Variants in GALNT13 observed in about 807,000 individuals in gnomAD.
The protein encoded by GALNT13 is polypeptide N-acetylgalactosaminyltransferase 13.
Under a neutral mutation model 64.2 loss-of-function variants are expected in GALNT13, and 28 were observed. The observed-to-expected ratio is 0.44, with a 90% confidence interval of 0.32 to 0.60. The LOEUF is 0.60. Among genes scored for constraint, GALNT13 ranks in the 20% least tolerant of loss-of-function variants. The probability of loss-of-function intolerance (pLI) is 0.05; values close to 1 mark genes in which losing one functional copy is unlikely to be tolerated. For synonymous variants in GALNT13, 214 were observed against 224.6 expected (o/e 0.95, Z 0.42); for missense variants, 577 against 669.8 (o/e 0.86, Z 1.53).
rs113534937 is a variant in GALNT13, at chr2:154,407,145, A to G, written c.1297-1839A>G. On this transcript the variant is annotated intron_variant, in intron 10 of 12. Transcript: ENST00000392825. ...AAGCCTTACAAACAATTCAAGCTGT[A>G]ACCCCTGTAATTATTAATTAGTGCC... Among the ~76,000 whole-genome samples the G allele has an allele frequency of 3.5e-3, 530 of 152,240 alleles. 2 individuals are homozygous for G. Among genetic ancestry groups the G allele is most frequent in the African/African-American group, 0.012 (510 of 41,564 alleles).
intron 3 of GALNT13, among the ~76,000 whole-genome samples, chr2:153,986,447 G>T (rs773570775): frequency 2.0e-5 from 3 of 151,860 alleles, no homozygotes; most frequent in Non-Finnish European, 2.9e-5. Flanking sequence ...ATACACATCC[G>T]CAATATTGAT....
intron 9 of GALNT13, among the ~76,000 whole-genome samples, chr2:154,315,656 A>T (rs1694280937): frequency 1.3e-5 from 2 of 152,208 alleles, no homozygotes; most frequent in South Asian, 4.1e-4. Flanking sequence ...TTGCCTAAAA[A>T]TGTTTATGTT....
the GALNT13 span, among the ~76,000 whole-genome samples, chr2:153,091,661 A>G: frequency 6.6e-6 from 1 of 152,148 alleles, no homozygotes; most frequent in Non-Finnish European, 1.5e-5. Flanking sequence ...ATCCTCCCAA[A>G]CAATCACCTC....
the GALNT13 span, among the ~76,000 whole-genome samples, chr2:153,634,941 T>C: frequency 6.6e-6 from 1 of 152,054 alleles, no homozygotes; most frequent in African/African-American, 2.4e-5. Context: ...CTCTCTTACC[T>C]CTGGGAGGCA....
At chr2:154,150,145 T>G (rs1316376211) in intron 4 of GALNT13, among the ~76,000 whole-genome samples, 1 of 152,216 alleles carries the variant, frequency 6.6e-6, no homozygotes, top group Non-Finnish European at 1.5e-5. Flanking sequence ...GAAGAGTTGT[T>G]GAATTTTGTC....
the GALNT13 span, among the ~76,000 whole-genome samples, chr2:153,655,872 A>G: frequency 6.6e-6 from 1 of 152,096 alleles, no homozygotes; most frequent in Non-Finnish European, 1.5e-5. Context: ...AGACTAAGGT[A>G]GATGTTACAA....
chr2:153,114,311 T>C, the GALNT13 span, among the ~76,000 whole-genome samples: 3 of 152,234 alleles, frequency 2.0e-5, no homozygotes, highest in African/African-American at 7.2e-5. Flanking sequence ...TCTCTTTCTA[T>C]CATGTTGAAC....
At chr2:153,704,226 A>C in the GALNT13 span, among the ~76,000 whole-genome samples, 1 of 152,192 alleles carries the variant, frequency 6.6e-6, no homozygotes, top group African/African-American at 2.4e-5. Context: ...TTTGACTCAT[A>C]GAGGACAACT....
the GALNT13 span, among the ~76,000 whole-genome samples, chr2:153,660,611 T>TTA: frequency 1.1e-3 from 159 of 150,088 alleles, 1 homozygote; most frequent in South Asian, 0.018. Flanking sequence ...TATATACACA[T>TTA]TATATATATA....
the GALNT13 span, among the ~76,000 whole-genome samples, chr2:153,128,060 G>A: frequency 6.0e-3 from 915 of 152,214 alleles, 10 homozygotes; most frequent in Middle Eastern, 0.027. Flanking sequence ...AAGGTACAAG[G>A]TAGAGAAGGA....
chr2:153,771,029 G>T, the GALNT13 span, among the ~76,000 whole-genome samples: 1 of 152,206 alleles, frequency 6.6e-6, no homozygotes, highest in African/African-American at 2.4e-5. Context: ...ATGTCTGGGT[G>T]TCAAGCGGAA....
the GALNT13 span, among the ~76,000 whole-genome samples, chr2:153,670,982 G>C: frequency 6.6e-6 from 1 of 152,126 alleles, no homozygotes; most frequent in Admixed American, 6.6e-5. Flanking sequence ...ATGAAATAAA[G>C]CAAGAAGACA....
At chr2:154,163,203 A>T (rs1236750117) in intron 4 of GALNT13, among the ~76,000 whole-genome samples, 11 of 135,556 alleles carry the variant, frequency 8.1e-5, no homozygotes, top group African/African-American at 3.1e-4. Context: ...TCATTGTTCA[A>T]TTCCCATCTA....
At chr2:153,525,094 G>T in the GALNT13 span, among the ~76,000 whole-genome samples, 1 of 152,316 alleles carries the variant, frequency 6.6e-6, no homozygotes, top group African/African-American at 2.4e-5. Flanking sequence ...GAGCCATGGG[G>T]CTCCTCTTTC....
Position 154,271,688 on chromosome 2 carries a change from G to A in GALNT13, c.975+12550G>A, listed in dbSNP as rs185966863. Among the ~76,000 whole-genome samples the A allele has an allele frequency of 1.3e-4, 19 of 151,814 alleles. 2 individuals carry two copies. The highest frequency in any genetic ancestry group is 7.7e-4 in the East Asian group (4 of 5,166). On this transcript the variant is annotated intron_variant, in intron 8 of 12. Transcript: ENST00000392825. Reference sequence around the variant, plus strand: ...TATTGGTAAACCAACAAAAATACTCGTCTACTATCTAACCAATCATGAATA... The same window carrying A: ...TATTGGTAAACCAACAAAAATACTCATCTACTATCTAACCAATCATGAATA...
chr2:153,721,286 T>A, the GALNT13 span, among the ~76,000 whole-genome samples: 1 of 147,734 alleles, frequency 6.8e-6, no homozygotes. Context: ...CCACCAGGCC[T>A]GCCCTAAAAG....
intron 9 of GALNT13, among the ~76,000 whole-genome samples, chr2:154,353,882 A>G (rs1574143472): frequency 6.6e-6 from 1 of 152,288 alleles, no homozygotes; most frequent in East Asian, 1.9e-4. Flanking sequence ...GGGAATGAAG[A>G]TATCTTTACA....
At chr2:153,183,311 C>T in the GALNT13 span, among the ~76,000 whole-genome samples, 1 of 152,056 alleles carries the variant, frequency 6.6e-6, no homozygotes, top group Non-Finnish European at 1.5e-5. Flanking sequence ...TCTTTGCCTC[C>T]TTTTTAATGG....
At chr2:153,241,400 G>GA in the GALNT13 span, among the ~76,000 whole-genome samples, 5 of 152,178 alleles carry the variant, frequency 3.3e-5, no homozygotes, top group Non-Finnish European at 7.3e-5. Context: ...GGCTGGGATG[G>GA]AAAATGCTAA....
Sources: allele counts gnomAD v4.1 joint callset (sites outside exome capture counted in the v4.1 genomes callset), GRCh38; gene constraint gnomAD v4.1.1; transcripts MANE v1.5; gene names NCBI Gene and HGNC (gene_info 2026-07-23, HGNC 2026-07-21).